Variants in LGR5 observed in about 807,000 individuals in gnomAD.
LGR5 encodes the protein leucine rich repeat containing G protein-coupled receptor 5, also known as leucine-rich repeat-containing G protein-coupled receptor 5.
A neutral mutation model predicts 76.7 loss-of-function variants in LGR5; 54 were observed. That is an observed-to-expected ratio of 0.70 (90% CI 0.57 to 0.88). The LOEUF is 0.88. Among genes scored for constraint, LGR5 ranks in the 40% least tolerant of loss-of-function variants. The pLI is 0.00. For missense variants in LGR5, 1,078 were observed against 1,073.3 expected, an observed-to-expected ratio of 1.00 and a Z score of -0.06; for synonymous variants, 406 against 421.9, an observed-to-expected ratio of 0.96 and a Z score of 0.46.
At chr12:71,483,895 G>T (rs1873717439) in intron 1 of LGR5, among the ~76,000 whole-genome samples, 1 of 152,138 alleles carries the variant, frequency 6.6e-6, no homozygotes, top group Admixed American at 6.5e-5. Flanking sequence ...GAGTGGGGAT[G>T]AATGATAGGA....
chr12:71,446,964 C>A (rs866072845), intron 1 of LGR5, among the ~76,000 whole-genome samples: 4 of 152,140 alleles, frequency 2.6e-5, no homozygotes, highest in Middle Eastern at 6.3e-3. Flanking sequence ...AGATTAGTAA[C>A]CACCTAGGCA....
chr12:71,558,043 C>A (rs571232461), intron 6 of LGR5, among the ~76,000 whole-genome samples: 1 of 152,278 alleles, frequency 6.6e-6, no homozygotes, highest in African/African-American at 2.4e-5. Context: ...AGCCTATGAG[C>A]ACTAACAGCT....
intron 4 of LGR5, among the ~76,000 whole-genome samples, chr12:71,543,666 AGATTAATCTGGCAGCAGCCTACAG>A (rs1876997013): frequency 6.6e-6 from 1 of 152,244 alleles, no homozygotes; most frequent in Non-Finnish European, 1.5e-5. Context: ...AACTTCAGGG[AGATTAATCTGGCAGCAGCCTACAG>A]GATTAATTGA....
chr12:71,579,474 A>G (rs1878999877), intron 15 of LGR5, among the ~76,000 whole-genome samples: 1 of 152,212 alleles, frequency 6.6e-6, no homozygotes, highest in Non-Finnish European at 1.5e-5. Context: ...ATAAGAGAGA[A>G]CAAAAATCTT....
At chr12:71,552,696 A>T (rs1393608869) in intron 4 of LGR5, among the ~76,000 whole-genome samples, 2 of 152,176 alleles carry the variant, frequency 1.3e-5, no homozygotes, top group Non-Finnish European at 2.9e-5. Context: ...AAGCAAAAAC[A>T]TTCCTTTGGC....
chr12:71,469,050 CGTTTA>C (rs1331978745), intron 1 of LGR5, among the ~76,000 whole-genome samples: 2 of 151,924 alleles, frequency 1.3e-5, no homozygotes, highest in African/African-American at 2.4e-5. Flanking sequence ...TTTGTATTTT[CGTTTA>C]GTTTAAATTT....
intron 1 of LGR5, among the ~76,000 whole-genome samples, chr12:71,494,120 C>A (rs1592488387): frequency 7.3e-6 from 1 of 136,682 alleles, no homozygotes; most frequent in African/African-American, 2.6e-5. Flanking sequence ...ATTTTTTATA[C>A]TTTTTTTAGT....
intron 2 of LGR5, among the ~76,000 whole-genome samples, chr12:71,519,324 C>T (rs926509804): frequency 6.6e-6 from 1 of 152,222 alleles, no homozygotes. Context: ...GTCACCGCCA[C>T]AACCACCACC....
intron 11 of LGR5, among the ~76,000 whole-genome samples, chr12:71,569,868 T>C (rs1005326778): frequency 9.2e-5 from 14 of 152,318 alleles, no homozygotes; most frequent in East Asian, 5.8e-4. Context: ...TGTATGTTCA[T>C]TGAAGCACTA....
intron 2 of LGR5, among the ~76,000 whole-genome samples, chr12:71,512,951 G>A (rs376194306): frequency 4.6e-5 from 7 of 152,216 alleles, no homozygotes; most frequent in Non-Finnish European, 7.3e-5. Flanking sequence ...AGAACCCTGA[G>A]AGAGAAACTT....
At chr12:71,490,672 C>G (rs1390196212) in intron 1 of LGR5, among the ~76,000 whole-genome samples, 3 of 152,172 alleles carry the variant, frequency 2.0e-5, no homozygotes, top group Non-Finnish European at 4.4e-5. Flanking sequence ...TGAATATGCT[C>G]TGGCCACTAG....
chr12:71,488,777 T>C (rs67020551), intron 1 of LGR5, among the ~76,000 whole-genome samples: 13,608 of 152,212 alleles, frequency 0.089, 653 homozygotes, highest in Non-Finnish European at 0.11. Context: ...GTTAATCCAA[T>C]AAACTTTATT....
intron 5 of LGR5, among the ~76,000 whole-genome samples, chr12:71,554,785 C>G (rs930427389): frequency 1.3e-5 from 2 of 151,994 alleles, no homozygotes; most frequent in African/African-American, 2.4e-5. Flanking sequence ...CAGTTTTTTC[C>G]CACCATATGT....
At chr12:71,467,469 C>A (rs574119948) in intron 1 of LGR5, among the ~76,000 whole-genome samples, 2 of 152,182 alleles carry the variant, frequency 1.3e-5, no homozygotes, top group African/African-American at 2.4e-5. Flanking sequence ...TCATTTTTAA[C>A]ATCTGCATCA....
intron 5 of LGR5, among the ~76,000 whole-genome samples, chr12:71,554,021 G>A (rs1022599755): frequency 6.6e-6 from 1 of 152,138 alleles, no homozygotes; most frequent in Non-Finnish European, 1.5e-5. Flanking sequence ...AACCCAGGTT[G>A]CAGTGAGCCA....
intron 4 of LGR5, among the ~76,000 whole-genome samples, chr12:71,546,944 C>T (rs1324141431): frequency 2.0e-5 from 3 of 152,084 alleles, no homozygotes; most frequent in Non-Finnish European, 2.9e-5. Flanking sequence ...TTGACCAGGT[C>T]CAGTGGTGGG....
intron 2 of LGR5, among the ~76,000 whole-genome samples, chr12:71,513,452 T>C (rs963604477): frequency 2.6e-5 from 4 of 152,210 alleles, no homozygotes; most frequent in Non-Finnish European, 5.9e-5. Context: ...CCAGCCTTCC[T>C]TTAACCAGAG....
At chr12:71,560,117 G>C (rs1348496366) in intron 7 of LGR5, among the ~76,000 whole-genome samples, 1 of 152,140 alleles carries the variant, frequency 6.6e-6, no homozygotes, top group Non-Finnish European at 1.5e-5. Context: ...GCTGACCCTT[G>C]AACAACTAGG....
rs765147377 is a variant in LGR5 at position 71,440,099 on chromosome 12, G to C, written c.19G>C (p.Gly7Arg). The change falls in exon 1 of 18, where the codon GGT becomes CGT. Residue 7 changes from glycine to arginine, a missense_variant. Transcript: ENST00000266674. The surrounding 1 kb of genome is among the most constrained non-coding windows in gnomAD (Gnocchi z 5.3). ...GGGCACCATGGACACCTCCCGGCTC[G>C]GTGTGCTCCTGTCCTTGCCTGTGCT... MDTSRL[G>R]VLLSLPVLLQ... The C allele has an allele frequency of 6.2e-7, 1 of 1,604,388 alleles. No individual in the cohort carries two copies. The highest frequency in any genetic ancestry group is 8.5e-7 in the Non-Finnish European group (1 of 1,179,884).
Sources: allele counts gnomAD v4.1 joint callset (sites outside exome capture counted in the v4.1 genomes callset), GRCh38; gene constraint gnomAD v4.1.1; non-coding constraint Gnocchi (gnomAD v3.1); transcripts MANE v1.5; gene names NCBI Gene and HGNC (gene_info 2026-07-23, HGNC 2026-07-21).